The following RPTOR variants were observed in gnomAD, a reference collection of about 807,000 sequenced individuals.
RPTOR encodes regulatory associated protein of MTOR complex 1, also known as regulatory-associated protein of mTOR.
Under a neutral mutation model 169.9 loss-of-function variants are expected in RPTOR, and 21 were observed. The observed-to-expected ratio is 0.12, with a 90% CI of 0.09 to 0.18. The LOEUF (loss-of-function observed/expected upper bound fraction) is 0.18, where lower values mean the gene tolerates loss of function less well. Among genes scored for constraint, RPTOR ranks in the 10% least tolerant of loss-of-function variants. RPTOR has a pLI of 1.00. For synonymous variants in RPTOR, 732 were observed against 753.2 expected, an observed-to-expected ratio of 0.97 and a Z score of 0.46; for missense variants, 1,133 against 1,855.9, an observed-to-expected ratio of 0.61 and a Z score of 7.16.
chr17:80,724,977 C>T (rs1018854469), intron 4 of RPTOR, among the ~76,000 whole-genome samples: 5 of 152,182 alleles, frequency 3.3e-5, no homozygotes, highest in East Asian at 3.8e-4. Flanking sequence ...TGGGACATGC[C>T]GTTCTCTTCT....
At chr17:80,830,191 C>A (rs1487728514) in intron 9 of RPTOR, among the ~76,000 whole-genome samples, 1 of 152,294 alleles carries the variant, frequency 6.6e-6, no homozygotes, top group African/African-American at 2.4e-5. Flanking sequence ...TCTGTGGCAT[C>A]TTCCTGGTTT....
intron 7 of RPTOR, among the ~76,000 whole-genome samples, chr17:80,799,990 GTGCCAGGTC>G (rs1412311617): frequency 1.2e-4 from 18 of 152,310 alleles, no homozygotes; most frequent in African/African-American, 3.4e-4. Context: ...GGCCCTTGGT[GTGCCAGGTC>G]TGCCAGGCCA....
At chr17:80,941,676 CT>C (rs2069030349) in intron 25 of RPTOR, among the ~76,000 whole-genome samples, 1 of 152,254 alleles carries the variant, frequency 6.6e-6, no homozygotes, top group African/African-American at 2.4e-5. Flanking sequence ...CATCTTTGTC[CT>C]GTAAAATTCT....
chr17:80,905,874 G>C (rs912962002), intron 20 of RPTOR, among the ~76,000 whole-genome samples: 3 of 152,238 alleles, frequency 2.0e-5, no homozygotes, highest in African/African-American at 7.2e-5. Flanking sequence ...ATTCTTCACA[G>C]TGGCCTGGTC....
intron 13 of RPTOR, among the ~76,000 whole-genome samples, chr17:80,858,825 A>G (rs557280600): frequency 3.4e-4 from 51 of 152,194 alleles, no homozygotes; most frequent in Non-Finnish European, 6.3e-4. Flanking sequence ...GGGAGGCCCC[A>G]TCCACGCAGA....
chr17:80,857,678 C>G, intron 12 of RPTOR, 112 bp from the exon 13 acceptor site: 1 of 667,820 alleles, frequency 1.5e-6, no homozygotes, highest in Non-Finnish European at 2.7e-6. Context: ...ATTCCTGTTG[C>G]GTTTCCCATA....
intron 21 of RPTOR, chr17:80,909,597 C>G (rs1225984955): frequency 6.6e-6 from 1 of 152,000 alleles, no homozygotes; most frequent in Non-Finnish European, 1.5e-5. Context: ...TCTAACTCCT[C>G]AGTTCAAGTG....
At chr17:80,893,540 A>G (rs112166705) in intron 19 of RPTOR, among the ~76,000 whole-genome samples, 167 bp from the exon 20 acceptor site, 4 of 121,276 alleles carry the variant, frequency 3.3e-5, no homozygotes, top group African/African-American at 9.7e-5. Flanking sequence ...GTGTGTGTAC[A>G]TGCCAGGGTG....
chr17:80,602,750 A>T, intron 1 of RPTOR: 1 of 755,532 alleles, frequency 1.3e-6, no homozygotes, highest in Non-Finnish European at 2.4e-6. Context: ...ACACATCTGG[A>T]GTTGCCATCT....
At chr17:80,830,465 G>A (rs756020584) in intron 9 of RPTOR, among the ~76,000 whole-genome samples, 1 of 152,240 alleles carries the variant, frequency 6.6e-6, no homozygotes, top group African/African-American at 2.4e-5. Context: ...CCAATTCTGA[G>A]TGCTGACAGT....
At chr17:80,788,328 C>T (rs981835691) in intron 6 of RPTOR, among the ~76,000 whole-genome samples, 3 of 151,974 alleles carry the variant, frequency 2.0e-5, no homozygotes, top group East Asian at 1.9e-4. Flanking sequence ...TAAAATTAGC[C>T]GGGCATGGTG....
At chr17:80,642,742 G>A (rs1408052677) in intron 2 of RPTOR, among the ~76,000 whole-genome samples, 1 of 152,168 alleles carries the variant, frequency 6.6e-6, no homozygotes, top group Non-Finnish European at 1.5e-5. Context: ...CAAACAAAAA[G>A]AGTCATGATT....
At chr17:80,773,835 G>C in intron 6 of RPTOR, 1 of 985,432 alleles carries the variant, frequency 1.0e-6, no homozygotes, top group Non-Finnish European at 1.2e-6. Flanking sequence ...CTTGGTGCCT[G>C]GGTGTGTTCA....
At position 80,695,221 on chromosome 17, in the gene RPTOR, G is replaced by A. The variant is rs535196210; in HGVS notation, c.349-12620G>A. Among the ~76,000 whole-genome samples, 1 of 152,314 alleles carries A rather than the reference G, an allele frequency of 6.6e-6. No individual in the cohort carries two copies. Among genetic ancestry groups the A allele is most frequent in the Non-Finnish European group, 1.5e-5 (1 of 68,026 alleles). On this transcript the variant is annotated intron_variant, in intron 3 of 33. Coordinates refer to ENST00000306801, the MANE Select transcript of RPTOR (RefSeq NM_020761.3). This position sits in a 1 kb window ranked among gnomAD's most constrained non-coding sequence, Gnocchi z 4.9. ...CAGAGGCTGCCCCGACCCGTGCTGT[G>A]CGGGTCACTCACCCCCACATTGTCT...
chr17:80,838,910 G>T (rs1044683366), intron 10 of RPTOR, among the ~76,000 whole-genome samples: 6 of 152,214 alleles, frequency 3.9e-5, no homozygotes, highest in African/African-American at 1.4e-4. Flanking sequence ...GGGAGTTAAT[G>T]TAAGAAAAGT....
chr17:80,859,889 G>T (rs1262258241), intron 13 of RPTOR, among the ~76,000 whole-genome samples: 1 of 152,206 alleles, frequency 6.6e-6, no homozygotes, highest in Non-Finnish European at 1.5e-5. Flanking sequence ...AGGGAGCAGG[G>T]GCCACATAGC....
At chr17:80,771,269 C>T (rs2066840435) in intron 6 of RPTOR, among the ~76,000 whole-genome samples, 1 of 152,182 alleles carries the variant, frequency 6.6e-6, no homozygotes, top group African/African-American at 2.4e-5. Flanking sequence ...GAAACTGCAG[C>T]TCATCCAGCG....
At chr17:80,890,467 G>A (rs1364720035) in intron 17 of RPTOR, among the ~76,000 whole-genome samples, 7 of 142,804 alleles carry the variant, frequency 4.9e-5, no homozygotes, top group East Asian at 2.4e-4. Context: ...GGAGACGAGC[G>A]CCAGAACCGG....
At chr17:80,771,031 CT>C (rs1295166932) in intron 6 of RPTOR, among the ~76,000 whole-genome samples, 1 of 152,222 alleles carries the variant, frequency 6.6e-6, no homozygotes, top group Non-Finnish European at 1.5e-5. Context: ...TGATCGCTGC[CT>C]TCTGAGCCGT....
Sources: allele counts gnomAD v4.1 joint callset (sites outside exome capture counted in the v4.1 genomes callset), GRCh38; gene constraint gnomAD v4.1.1; non-coding constraint Gnocchi (gnomAD v3.1); transcripts MANE v1.5; gene names NCBI Gene and HGNC (gene_info 2026-07-23, HGNC 2026-07-21).